The following CDH12 variants were observed in gnomAD, a reference collection of about 807,000 sequenced individuals.
CDH12 encodes the protein cadherin-12.
CDH12 carries 41 observed loss-of-function variants against 74.1 expected under a neutral mutation model. The observed-to-expected ratio is 0.55, with a 90% CI of 0.43 to 0.72. The LOEUF (loss-of-function observed/expected upper bound fraction) is 0.72, where lower values mean the gene tolerates loss of function less well. CDH12 is among the 30% of genes least tolerant of loss of function. The probability of loss-of-function intolerance (pLI) is 0.00; values close to 1 mark genes in which losing one functional copy is unlikely to be tolerated. For missense variants in CDH12, 945 were observed against 977.2 expected (o/e 0.97, Z 0.44); for synonymous variants, 399 against 355.0 (o/e 1.12, Z -1.39).
chr5:21,927,341 T>G (rs1161195296), intron 6 of CDH12, among the ~76,000 whole-genome samples: 1 of 152,026 alleles, frequency 6.6e-6, no homozygotes, highest in Admixed American at 6.6e-5. Context: ...ATCCTAACAC[T>G]TTGGGAGGCC....
Position 22,007,613 on chromosome 5 carries a change from A to G in CDH12, c.232-32228T>C, listed in dbSNP as rs1192213039. The stretch of plus-strand genomic sequence containing the variant: ...AAATTATTCCTGTTTAAATCATAAC[A>G]CTTTCTGGTTTCATTTAATTCCACT... On this transcript the variant is annotated intron_variant, in intron 5 of 14. Transcript: ENST00000382254. Among the ~76,000 whole-genome samples, 7 of 152,204 alleles carry G rather than the reference A, an allele frequency of 4.6e-5. No homozygotes were observed. The East Asian group carries it at 1.3e-3, about 29-fold the overall frequency.
chr5:22,706,754 A>G (rs1248034754), intron 1 of CDH12, among the ~76,000 whole-genome samples: 1 of 152,164 alleles, frequency 6.6e-6, no homozygotes, highest in Non-Finnish European at 1.5e-5. Flanking sequence ...CCATATTTGA[A>G]TTACTGAGAA....
intron 3 of CDH12, among the ~76,000 whole-genome samples, chr5:22,374,711 A>G (rs1463689051): frequency 6.6e-6 from 1 of 152,076 alleles, no homozygotes; most frequent in Non-Finnish European, 1.5e-5. Flanking sequence ...ATTAACAATA[A>G]CTATAAAAAA....
At chr5:22,257,029 G>T (rs1232704930) in intron 3 of CDH12, among the ~76,000 whole-genome samples, 1 of 152,154 alleles carries the variant, frequency 6.6e-6, no homozygotes, top group South Asian at 2.1e-4. Context: ...GTAGGGACAT[G>T]GTTGGAACTA....
At chr5:22,520,172 A>T (rs1169525846) in intron 1 of CDH12, among the ~76,000 whole-genome samples, 1 of 152,182 alleles carries the variant, frequency 6.6e-6, no homozygotes, top group Non-Finnish European at 1.5e-5. Context: ...CCTAGCCAGT[A>T]CCAGCTCAAT....
chr5:22,101,951 A>G (rs1744162020), intron 4 of CDH12, among the ~76,000 whole-genome samples: 2 of 152,160 alleles, frequency 1.3e-5, no homozygotes, highest in South Asian at 4.1e-4. Flanking sequence ...ATGTAACCAA[A>G]TGGGTATGAC....
chr5:22,610,980 T>A (rs1395709201), intron 1 of CDH12, among the ~76,000 whole-genome samples: 1 of 152,156 alleles, frequency 6.6e-6, no homozygotes, highest in African/African-American at 2.4e-5. Context: ...CATACTACTA[T>A]GACTTCATCC....
intron 9 of CDH12, among the ~76,000 whole-genome samples, chr5:21,807,227 A>T (rs1002848812): frequency 6.6e-6 from 1 of 151,996 alleles, no homozygotes; most frequent in African/African-American, 2.4e-5. Context: ...ACTGTATTTT[A>T]CACCCTTATG....
At chr5:22,017,605 T>C (rs1174902457) in intron 5 of CDH12, among the ~76,000 whole-genome samples, 1 of 152,120 alleles carries the variant, frequency 6.6e-6, no homozygotes, top group African/African-American at 2.4e-5. Flanking sequence ...TCTCAGAAAC[T>C]GTCCTTCTAT....
At chr5:21,931,640 C>A (rs1456884857) in intron 6 of CDH12, among the ~76,000 whole-genome samples, 1 of 152,198 alleles carries the variant, frequency 6.6e-6, no homozygotes, top group Non-Finnish European at 1.5e-5. Context: ...CACAGTCTGA[C>A]TCCCACATTA....
At chr5:22,641,297 A>G (rs912532589) in intron 1 of CDH12, among the ~76,000 whole-genome samples, 3 of 152,162 alleles carry the variant, frequency 2.0e-5, no homozygotes, top group Non-Finnish European at 2.9e-5. Context: ...TTGAGGGGGT[A>G]CTAGTGCAAA....
chr5:22,524,521 G>C (rs1198482072), intron 1 of CDH12, among the ~76,000 whole-genome samples: 1 of 152,110 alleles, frequency 6.6e-6, no homozygotes, highest in Non-Finnish European at 1.5e-5. Flanking sequence ...TTGTAAACGT[G>C]TGACATGCAT....
At chr5:22,736,557 C>A (rs575961898) in intron 1 of CDH12, among the ~76,000 whole-genome samples, 1 of 150,658 alleles carries the variant, frequency 6.6e-6, no homozygotes, top group Non-Finnish European at 1.5e-5. Context: ...TTAGAGTCAG[C>A]GTTTTTTTTT....
chr5:22,675,997 G>T (rs1741169495), intron 1 of CDH12, among the ~76,000 whole-genome samples: 1 of 150,626 alleles, frequency 6.6e-6, no homozygotes, highest in African/African-American at 2.4e-5. Context: ...AACACAGAAA[G>T]CAGTAAAGCA....
intron 6 of CDH12, among the ~76,000 whole-genome samples, chr5:21,904,666 G>C (rs1031091225): frequency 1.3e-5 from 2 of 152,048 alleles, no homozygotes; most frequent in Non-Finnish European, 2.9e-5. Context: ...TGTAGTCCTA[G>C]CTACTTGGGA....
intron 3 of CDH12, among the ~76,000 whole-genome samples, chr5:22,291,447 T>C (rs1737384967): frequency 6.6e-6 from 1 of 152,132 alleles, no homozygotes; most frequent in Non-Finnish European, 1.5e-5. Context: ...TGACATAATT[T>C]TATATGTAGA....
chr5:21,987,981 G>A (rs1333767060), intron 5 of CDH12, among the ~76,000 whole-genome samples: 1 of 151,638 alleles, frequency 6.6e-6, no homozygotes, highest in Admixed American at 6.6e-5. Flanking sequence ...ATAATCTAAG[G>A]ACAGCTAGAA....
intron 1 of CDH12, among the ~76,000 whole-genome samples, chr5:22,682,842 T>C (rs946828380): frequency 6.6e-6 from 1 of 152,066 alleles, no homozygotes; most frequent in Non-Finnish European, 1.5e-5. Context: ...TACTAACTTG[T>C]CATTGATATT....
chr5:22,667,336 C>A (rs887384036), intron 1 of CDH12, among the ~76,000 whole-genome samples: 1 of 152,132 alleles, frequency 6.6e-6, no homozygotes, highest in Non-Finnish European at 1.5e-5. Context: ...GATGGTAGCT[C>A]CTTCTTGCTA....
Sources: allele counts gnomAD v4.1 joint callset (sites outside exome capture counted in the v4.1 genomes callset), GRCh38; gene constraint gnomAD v4.1.1; transcripts MANE v1.5; gene names NCBI Gene and HGNC (gene_info 2026-07-23, HGNC 2026-07-21).